DNAH17: variants seen among roughly 807,000 people sequenced by gnomAD.
The protein encoded by DNAH17 is dynein axonemal heavy chain 17.
In DNAH17, 376 loss-of-function variants were observed where a neutral mutation model predicts 485.6. The ratio of observed to expected loss-of-function variants is 0.77; its 90% CI spans 0.71 to 0.84. The LOEUF (loss-of-function observed/expected upper bound fraction) is 0.84, where lower values mean the gene tolerates loss of function less well. Among genes scored for constraint, DNAH17 ranks in the 40% least tolerant of loss-of-function variants. The pLI, the probability that DNAH17 is intolerant of heterozygous loss-of-function variation, is 0.00. For synonymous variants in DNAH17, 3,031 were observed against 2,405.9 expected, an observed-to-expected ratio of 1.26 and a Z score of -7.60; for missense variants, 6,370 against 5,839.3, an observed-to-expected ratio of 1.09 and a Z score of -2.96.
At chr17:78,431,576 T>C (rs1243974080) in intron 75 of DNAH17, among the ~76,000 whole-genome samples, 1 of 152,112 alleles carries the variant, frequency 6.6e-6, no homozygotes, top group Non-Finnish European at 1.5e-5. Flanking sequence ...TGGGAATCCC[T>C]GATCTATTTC....
intron 24 of DNAH17, among the ~76,000 whole-genome samples, chr17:78,525,773 T>C (rs1248403039): frequency 1.3e-5 from 2 of 152,184 alleles, no homozygotes; most frequent in Non-Finnish European, 2.9e-5. Context: ...CCCAAATCTT[T>C]CCAGAAAATC....
At position 78,575,293 on chromosome 17, in the gene DNAH17, G is replaced by A. The variant is rs552930122; in HGVS notation, c.-25-211C>T. Among the ~76,000 whole-genome samples, 36 of 152,348 alleles carry A rather than the reference G, an allele frequency of 2.4e-4. No homozygotes were observed. In the East Asian group the frequency reaches 3.9e-3, roughly 16 times the overall value. On this transcript the variant is annotated intron_variant, in intron 1 of 80. Coordinates refer to ENST00000389840, the MANE Select transcript of DNAH17 (RefSeq NM_173628.4). ...CCGGCCCCGCCATGGGGGGTGCCCC[G>A]GGAGTGAGGCTGCCCAAAAGTGGTG... is the stretch of plus-strand genomic sequence containing the variant.
In DNAH17 at chr17:78,455,757, A is replaced by G; in HGVS notation, c.10057T>C (p.Cys3353Arg). 1 of 1,613,516 alleles carries G rather than the reference A, an allele frequency of 6.2e-7. No individual in the cohort carries two copies. Among genetic ancestry groups the G allele is most frequent in the Non-Finnish European group, 8.5e-7 (1 of 1,179,730 alleles). The part of the protein sequence containing the change: ...ENFRSQGVTL[C>R]GDVLLISAFV... Reference sequence around the variant, plus strand: ...GCAGAGATGAGCAGGACGTCCCCACACAGCGTGACCCCCTGGCTCCTGAAG... The same window carrying G: ...GCAGAGATGAGCAGGACGTCCCCACGCAGCGTGACCCCCTGGCTCCTGAAG... Residue 3353 changes from cysteine to arginine, a missense_variant, in exon 63 of 81, where the codon TGT becomes CGT. Coordinates refer to ENST00000389840, the MANE Select transcript of DNAH17 (RefSeq NM_173628.4).
rs2090181366 is a variant in DNAH17, at chr17:78,499,141, A to T, written c.5641-29T>A. 3 of 1,486,734 alleles carry T rather than the reference A, an allele frequency of 2.0e-6. No individual in the cohort carries two copies. The East Asian group carries it at 7.5e-5, about 37-fold the overall frequency. The allele number at this position is 1,486,734 out of a possible 1,614,324, so 92.1% of individuals were successfully genotyped here. On this transcript the variant is annotated intron_variant, in intron 36 of 80. Transcript: ENST00000389840. ...GAAAGGGCGAGATGGAGAAAGGAAG[A>T]GCTGGGAGGGTGACAGGGAGGGCGG...
At position 78,443,057 on chromosome 17, in the gene DNAH17, G is replaced by C. The variant is rs1222716765; in HGVS notation, c.11528+1547C>G. On this transcript the variant is annotated intron_variant, in intron 71 of 80. Transcript: ENST00000389840. ...ATGCTGAGGGATGATCTGCGCTCATGGGTGTTTGGGATGGTCCAAGGCCAC... is the reference window on the plus strand; with the variant it reads ...ATGCTGAGGGATGATCTGCGCTCATCGGTGTTTGGGATGGTCCAAGGCCAC... Among the ~76,000 whole-genome samples, 3 of 152,208 alleles carry C rather than the reference G, an allele frequency of 2.0e-5. No homozygotes were observed. In the East Asian group the frequency reaches 5.8e-4, roughly 29 times the overall value.
rs1486629301 is a variant in DNAH17, at chr17:78,505,275, G to A, written c.4956+18C>T. On this transcript the variant is annotated intron_variant, in intron 31 of 80. Coordinates refer to ENST00000389840, the MANE Select transcript of DNAH17 (RefSeq NM_173628.4). The stretch of plus-strand genomic sequence containing the variant: ...ACCCTTGTCCTGGGTTCCCTGTGTG[G>A]TGTGCGCACACACTCACCTGCCCCG... The A allele has an allele frequency of 5.6e-6, 9 of 1,613,720 alleles. No individual in the cohort carries two copies. The highest frequency in any genetic ancestry group is 3.3e-4 in the Middle Eastern group (2 of 6,056).
chr17:78,486,542 T>C (rs1227661975), intron 44 of DNAH17, 36 bp from the exon 45 acceptor site: 2 of 1,568,642 alleles, frequency 1.3e-6, no homozygotes, highest in Non-Finnish European at 1.7e-6. Flanking sequence ...ACACAGCCGC[T>C]GCTCTGGGTC....
At chr17:78,454,817 A>G in intron 63 of DNAH17, 112 bp from the exon 64 acceptor site, 2 of 912,624 alleles carry the variant, frequency 2.2e-6, no homozygotes, top group Non-Finnish European at 3.3e-6. Flanking sequence ...GTGGACCAGC[A>G]GGACGACCTG....
At chr17:78,462,803 G>A (rs748129483) in intron 57 of DNAH17, 41 bp downstream of exon 57, 45 of 1,603,660 alleles carry the variant, frequency 2.8e-5, no homozygotes, top group African/African-American at 4.0e-5. Flanking sequence ...GAGGCCTCCA[G>A]GGAACGGCAC....
chr17:78,564,906 T>TAG (rs112943303), intron 11 of DNAH17, among the ~76,000 whole-genome samples: 2,835 of 152,206 alleles, frequency 0.019, 97 homozygotes, highest in African/African-American at 0.064. Context: ...ACCCTGCAAC[T>TAG]AGATGCAGCT....
At chr17:78,540,023 G>T in intron 17 of DNAH17, 143 bp from the exon 18 acceptor site, 1 of 751,718 alleles carries the variant, frequency 1.3e-6, no homozygotes, top group Non-Finnish European at 1.9e-6. Context: ...GCTGGTGCTG[G>T]CCGCCTTCCT....
intron 79 of DNAH17, among the ~76,000 whole-genome samples, chr17:78,426,134 A>G (rs1270597875): frequency 1.3e-5 from 2 of 152,170 alleles, no homozygotes; most frequent in Non-Finnish European, 2.9e-5. Context: ...CTGTTTGTGG[A>G]TAATTTAGGA....
intron 14 of DNAH17, among the ~76,000 whole-genome samples, chr17:78,553,392 C>T (rs554804390): frequency 6.9e-6 from 1 of 144,148 alleles, no homozygotes; most frequent in South Asian, 2.3e-4. Flanking sequence ...ATCTCTGCCT[C>T]CCGGGTTCAA....
At chr17:78,502,400 G>C in intron 33 of DNAH17, 191 bp downstream of exon 33, 1 of 514,766 alleles carries the variant, frequency 1.9e-6, no homozygotes, top group East Asian at 3.4e-5. Context: ...TTACTCGTGG[G>C]GAGAGGTGCC....
chr17:78,482,498 G>A (rs772488151), intron 48 of DNAH17, among the ~76,000 whole-genome samples: 2 of 152,048 alleles, frequency 1.3e-5, no homozygotes, highest in Non-Finnish European at 2.9e-5. Context: ...GTCTCTCACT[G>A]AGCAAAATTC....
At chr17:78,445,429 C>T in intron 70 of DNAH17, 129 bp downstream of exon 70, 7 of 1,310,790 alleles carry the variant, frequency 5.3e-6, no homozygotes, top group Middle Eastern at 2.7e-4. Flanking sequence ...ATGTGCGGGG[C>T]CTCCTTGCTT....
intron 6 of DNAH17, 147 bp from the exon 7 acceptor site, chr17:78,570,519 C>G (rs1304704722): frequency 9.3e-7 from 1 of 1,080,304 alleles, no homozygotes; most frequent in Admixed American, 3.0e-5. Context: ...CCTAGGCCCA[C>G]ACATCTGATG....
At position 78,572,714 on chromosome 17, in the gene DNAH17, C is replaced by G; in HGVS notation, c.526G>C (p.Glu176Gln). 6.2e-7 allele frequency: 1 copy of G among 1,606,684 alleles called. No individual in the cohort carries two copies. The highest frequency in any genetic ancestry group is 8.5e-7 in the Non-Finnish European group (1 of 1,176,956). Residue 176 changes from glutamate to glutamine, a missense_variant, in exon 3 of 81, where the codon GAG becomes CAG. Glu to Gln is a conservative substitution (Grantham distance 29). Transcript: ENST00000389840. ...GGGCCCACACACCTCTCCATGGACT[C>G]CAGCGTGCCATCCAGGCTGCCCAGG... ...EHLGSLDGTL[E>Q]SMERIPSSLD...
rs1209532209 is a variant in DNAH17 at position 78,450,277 on chromosome 17, G to A, written c.11017C>T (p.Pro3673Ser). 1.2e-6 allele frequency: 2 copies of A among 1,613,962 alleles called. No homozygotes were observed. Among genetic ancestry groups the A allele is most frequent in the Admixed American group, 1.7e-5 (1 of 60,024 alleles). ...FILNDLNKIN[P>S]VYQFSLKAFN... ...ACCTTGAGGGAGAACTGGTAGACGG[G>A]GTTGATTTTGTTGAGATCGTTCAGT... Residue 3673 changes from proline to serine, a missense_variant, in exon 68 of 81, where the codon CCC (proline) becomes TCC (serine). Transcript: ENST00000389840.
Sources: gnomAD v4.1 joint callset for allele counts (sites outside exome capture counted in the v4.1 genomes callset) on GRCh38, gnomAD v4.1.1 for gene constraint, MANE v1.5 for transcripts, NCBI Gene and HGNC (gene_info 2026-07-23, HGNC 2026-07-21) for gene names.